The following SNAP91 variants were observed in gnomAD, a reference collection of about 807,000 sequenced individuals.
SNAP91 encodes clathrin coat assembly protein AP180.
In SNAP91, 27 loss-of-function variants were observed where a neutral mutation model predicts 100.3. That is an observed-to-expected ratio of 0.27 (90% CI 0.20 to 0.37). The LOEUF (loss-of-function observed/expected upper bound fraction) is 0.37, where lower values mean the gene tolerates loss of function less well. Ranked by LOEUF, SNAP91 falls within the 10% of genes least tolerant of loss-of-function variation. The pLI is 1.00. For missense variants in SNAP91, 986 were observed against 1,123.7 expected, an observed-to-expected ratio of 0.88 and a Z score of 1.75; for synonymous variants, 404 against 398.6, an observed-to-expected ratio of 1.01 and a Z score of -0.16.
intron 26 of SNAP91, among the ~76,000 whole-genome samples, chr6:83,563,984 G>A (rs1430777069): frequency 6.6e-6 from 1 of 151,882 alleles, no homozygotes; most frequent in African/African-American, 2.4e-5. Flanking sequence ...ACTTTTTTTT[G>A]GAGAAATGGA....
intron 26 of SNAP91, among the ~76,000 whole-genome samples, chr6:83,570,548 C>CGG (rs1805071633): frequency 1.3e-5 from 1 of 74,638 alleles, no homozygotes; most frequent in Admixed American, 1.8e-4. Flanking sequence ...TGGAGGTTTA[C>CGG]GGGGTGGCGG....
At chr6:83,597,227 G>A (rs1356322433) in intron 16 of SNAP91, among the ~76,000 whole-genome samples, 1 of 152,178 alleles carries the variant, frequency 6.6e-6, no homozygotes, top group South Asian at 2.1e-4. Flanking sequence ...ACATGAATGA[G>A]TGTCCAGATG....
chr6:83,677,462 T>C (rs2098926414), intron 2 of SNAP91, among the ~76,000 whole-genome samples: 1 of 152,174 alleles, frequency 6.6e-6, no homozygotes, highest in Non-Finnish European at 1.5e-5. Context: ...TCCAACCATG[T>C]GCATGAGTCT....
intron 8 of SNAP91, among the ~76,000 whole-genome samples, chr6:83,633,780 A>C (rs2097307313): frequency 6.6e-6 from 1 of 152,124 alleles, no homozygotes; most frequent in Non-Finnish European, 1.5e-5. Context: ...AGCACATCTC[A>C]GAATCTGCCC....
At chr6:83,700,401 A>G (rs911924526) in intron 2 of SNAP91, among the ~76,000 whole-genome samples, 1 of 152,002 alleles carries the variant, frequency 6.6e-6, no homozygotes, top group Non-Finnish European at 1.5e-5. Context: ...CAATAATAGT[A>G]CTAGTAATGT....
intron 12 of SNAP91, among the ~76,000 whole-genome samples, chr6:83,608,544 T>C (rs908501756): frequency 6.6e-6 from 1 of 152,144 alleles, no homozygotes; most frequent in Non-Finnish European, 1.5e-5. Flanking sequence ...TTCAAAACAA[T>C]GTATTGATAC....
At position 83,693,651 on chromosome 6, in the gene SNAP91, A is replaced by G. The variant is rs2099159216; in HGVS notation, c.130+14147T>C. Among the ~76,000 whole-genome samples the G allele has an allele frequency of 5.9e-5, 9 of 152,218 alleles. 1 individual carries two copies. In the South Asian group the frequency reaches 1.9e-3, roughly 32 times the overall value. On this transcript the variant is annotated intron_variant, in intron 2 of 29. Coordinates refer to ENST00000369694, the MANE Select transcript of SNAP91 (RefSeq NM_001242792.2). ...GTCTTTTCCCTGTCTCACAATAGCT[A>G]TAACTGTCTCCACTAATGCAAAATG...
rs186543801 is a variant in SNAP91 at position 83,630,084 on chromosome 6, C to A, written c.766-6742G>T. Among the ~76,000 whole-genome samples, 89 of 152,118 alleles carry A rather than the reference C, an allele frequency of 5.9e-4. 1 individual carries two copies. The highest frequency in any genetic ancestry group is 1.1e-3 in the Non-Finnish European group (74 of 67,954). Reference sequence around the variant, plus strand: ...AACGGATGCTGGAATTTGTCAAATGCTTTTTCTGCATCTATTGAGATGATC... The same window carrying A: ...AACGGATGCTGGAATTTGTCAAATGATTTTTCTGCATCTATTGAGATGATC... On this transcript the variant is annotated intron_variant, in intron 8 of 29. Transcript: ENST00000369694.
At chr6:83,641,017 A>G in intron 8 of SNAP91, 79 bp downstream of exon 8, 1 of 763,322 alleles carries the variant, frequency 1.3e-6, no homozygotes, top group Non-Finnish European at 2.0e-6. Context: ...ACTCTCTTAC[A>G]CCTTCTATTA....
chr6:83,676,248 A>G (rs2098892815), intron 2 of SNAP91, among the ~76,000 whole-genome samples: 1 of 152,184 alleles, frequency 6.6e-6, no homozygotes, highest in Non-Finnish European at 1.5e-5. Flanking sequence ...CAAAACAGAC[A>G]GTGTCTGCCT....
chr6:83,651,248 T>C (rs1469073287), intron 7 of SNAP91, among the ~76,000 whole-genome samples: 3 of 152,160 alleles, frequency 2.0e-5, no homozygotes, highest in Non-Finnish European at 4.4e-5. Flanking sequence ...TTCAATTTCA[T>C]TGATTTACGC....
intron 24 of SNAP91, among the ~76,000 whole-genome samples, chr6:83,576,464 T>C (rs560219213): frequency 1.3e-5 from 2 of 152,348 alleles, no homozygotes; most frequent in East Asian, 3.9e-4. Context: ...ATATCCACTT[T>C]CATTCTGCAA....
rs201203386 is a variant in SNAP91, at chr6:83,618,864, A to AT, written c.808-1826dup. 4.8e-3 allele frequency among the ~76,000 whole-genome samples: 737 copies of AT among 152,088 alleles called. 5 individuals carry two copies. The highest frequency in any genetic ancestry group is 0.016 in the African/African-American group (677 of 41,546). Reference sequence around the variant, plus strand: ...GTTAATGTAATGTAAAGAAAGGGTGATTTTTTTGGCTAAACCTAAGTTTAA... The same window carrying AT: ...GTTAATGTAATGTAAAGAAAGGGTGATTTTTTTTGGCTAAACCTAAGTTTAA... On this transcript the variant is annotated intron_variant, in intron 9 of 29. Transcript: ENST00000369694.
chr6:83,688,032 A>T (rs1023815255), intron 2 of SNAP91, among the ~76,000 whole-genome samples: 1 of 152,016 alleles, frequency 6.6e-6, no homozygotes, highest in Admixed American at 6.6e-5. Flanking sequence ...ATATTTTCAA[A>T]CCCATGGAGG....
At chr6:83,605,332 G>A (rs1325925000) in intron 14 of SNAP91, among the ~76,000 whole-genome samples, 1 of 151,936 alleles carries the variant, frequency 6.6e-6, no homozygotes, top group Non-Finnish European at 1.5e-5. Context: ...ATAAATTAAG[G>A]GGAATACTCA....
At chr6:83,554,982 T>A (rs1775669269) in intron 29 of SNAP91, among the ~76,000 whole-genome samples, 1 of 152,178 alleles carries the variant, frequency 6.6e-6, no homozygotes, top group Non-Finnish European at 1.5e-5. Context: ...CTCAAGCATA[T>A]CTGTTTCCTG....
chr6:83,635,506 C>A (rs1446009430), intron 8 of SNAP91, among the ~76,000 whole-genome samples: 1 of 152,018 alleles, frequency 6.6e-6, no homozygotes, highest in Non-Finnish European at 1.5e-5. Flanking sequence ...AGAGCAACAA[C>A]CTCTGTCCTT....
chr6:83,690,530 T>C (rs1562689136), intron 2 of SNAP91: 1 of 660,642 alleles, frequency 1.5e-6, no homozygotes, highest in East Asian at 7.5e-5. Flanking sequence ...TTTTGTTTGG[T>C]TGGTTATATC....
At chr6:83,709,339 C>G (rs931357176), upstream of SNAP91, 1 of 152,332 alleles carries the variant, frequency 6.6e-6, no homozygotes, top group African/African-American at 2.4e-5. Context: ...GCCAGCGGCT[C>G]TCCGCTGGGC....
Sources: allele counts gnomAD v4.1 joint callset (sites outside exome capture counted in the v4.1 genomes callset), GRCh38; gene constraint gnomAD v4.1.1; transcripts MANE v1.5; gene names NCBI Gene and HGNC (gene_info 2026-07-23, HGNC 2026-07-21).